ERLEC1: variants seen among roughly 807,000 people sequenced by gnomAD.
ERLEC1 encodes the protein ER lectin.
ERLEC1 carries 47 observed loss-of-function variants against 68.0 expected under a neutral mutation model. That is an observed-to-expected ratio of 0.69 (90% CI 0.55 to 0.88). The LOEUF (loss-of-function observed/expected upper bound fraction) is 0.88. ERLEC1 is among the 40% of genes least tolerant of loss of function. The pLI is 0.00. For synonymous variants in ERLEC1, 225 were observed against 203.2 expected (o/e 1.11, Z -0.91); for missense variants, 567 against 583.8 (o/e 0.97, Z 0.30).
At chr2:53,806,094 C>T (rs1390229715) in intron 8 of ERLEC1, among the ~76,000 whole-genome samples, 1 of 152,056 alleles carries the variant, frequency 6.6e-6, no homozygotes, top group African/African-American at 2.4e-5. Flanking sequence ...TCAGCCTTTC[C>T]CATACAGATA....
chr2:53,808,992 T>G (rs1676447568), intron 9 of ERLEC1, among the ~76,000 whole-genome samples: 1 of 152,198 alleles, frequency 6.6e-6, no homozygotes, highest in Non-Finnish European at 1.5e-5. Flanking sequence ...GGAAATACAG[T>G]TACTAGTGGA....
At position 53,801,609 on chromosome 2, in the gene ERLEC1, T is replaced by C; in HGVS notation, c.738T>C (p.His246=). The change falls in exon 7 of 14, where the codon CAT becomes CAC. Residue 246 remains histidine (H), a synonymous_variant. Transcript: ENST00000185150. ...TTTTGACACCACTCTTGTGCAGTCA[T>C]CCTAAATATAGGTAGGATGTGCATT... ...VVILTPLLCS[H]PKYRFRASPV... is the part of the protein sequence containing the mutation. The C allele has an allele frequency of 6.2e-7, 1 of 1,613,930 alleles. No homozygotes were observed. Among genetic ancestry groups the C allele is most frequent in the Non-Finnish European group, 8.5e-7 (1 of 1,179,854 alleles).
intron 13 of ERLEC1, among the ~76,000 whole-genome samples, chr2:53,817,228 G>A (rs1676947454): frequency 6.6e-6 from 1 of 151,874 alleles, no homozygotes; most frequent in Middle Eastern, 3.2e-3. Flanking sequence ...CCACCTCCCG[G>A]GTTCAAGTTA....
chr2:53,792,265 C>G (rs1675452639), intron 1 of ERLEC1, among the ~76,000 whole-genome samples: 1 of 149,064 alleles, frequency 6.7e-6, no homozygotes, highest in Non-Finnish European at 1.5e-5. Flanking sequence ...TCAAGCAGTT[C>G]TCCCGCCTCA....
intron 10 of ERLEC1, among the ~76,000 whole-genome samples, 174 bp from the exon 11 acceptor site, chr2:53,812,775 A>G (rs1352845713): frequency 6.6e-6 from 1 of 152,244 alleles, no homozygotes; most frequent in African/African-American, 2.4e-5. Context: ...CAAGGAATAA[A>G]GAAGATAATG....
At chr2:53,796,730 G>A (rs913742166) in intron 3 of ERLEC1, among the ~76,000 whole-genome samples, 1 of 152,032 alleles carries the variant, frequency 6.6e-6, no homozygotes, top group Non-Finnish European at 1.5e-5. Context: ...AATTACAGGC[G>A]TGAGCGACTG....
intron 1 of ERLEC1, among the ~76,000 whole-genome samples, chr2:53,793,240 A>G (rs963124015): frequency 6.6e-6 from 1 of 152,220 alleles, no homozygotes; most frequent in Non-Finnish European, 1.5e-5. Context: ...TTTTACTAAA[A>G]TAATATCTGT....
At chr2:53,794,490 A>G in intron 2 of ERLEC1, 41 bp downstream of exon 2, 1 of 912,272 alleles carries the variant, frequency 1.1e-6, no homozygotes, top group Non-Finnish European at 1.7e-6. Flanking sequence ...GTCACCAAAA[A>G]TATTTATGTA....
chr2:53,801,376 C>T (rs1558598073), intron 6 of ERLEC1, 21 bp from the exon 7 acceptor site: 2 of 1,596,614 alleles, frequency 1.3e-6, no homozygotes, highest in Non-Finnish European at 1.7e-6. Context: ...AAAAGTCTGT[C>T]TTATACTCTT....
At chr2:53,815,153 A>C (rs1184822608) in intron 13 of ERLEC1, among the ~76,000 whole-genome samples, 2 of 151,512 alleles carry the variant, frequency 1.3e-5, no homozygotes, top group Non-Finnish European at 2.9e-5. Flanking sequence ...TTACAGGCGC[A>C]CACCACCACA....
chr2:53,801,342 C>G (rs1257941760), intron 6 of ERLEC1, 55 bp from the exon 7 acceptor site: 1 of 1,337,020 alleles, frequency 7.5e-7, no homozygotes, highest in African/African-American at 1.4e-5. Context: ...TCTCCCACCC[C>G]CAGTCCCATC....
At chr2:53,801,253 G>A in intron 6 of ERLEC1, 144 bp from the exon 7 acceptor site, 1 of 568,916 alleles carries the variant, frequency 1.8e-6, no homozygotes, top group East Asian at 2.9e-5. Context: ...ATATTAGAGG[G>A]AGAACTTAAA....
At chr2:53,800,812 T>A (rs1248833540) in intron 6 of ERLEC1, among the ~76,000 whole-genome samples, 2 of 152,138 alleles carry the variant, frequency 1.3e-5, no homozygotes, top group East Asian at 3.8e-4. Context: ...TTGAGTATAT[T>A]TATATAGGAG....
intron 8 of ERLEC1, among the ~76,000 whole-genome samples, chr2:53,806,812 A>G (rs574995274): frequency 4.2e-4 from 64 of 152,344 alleles, no homozygotes; most frequent in African/African-American, 1.5e-3. Flanking sequence ...TCATTCATTC[A>G]TTTATAATCG....
At chr2:53,811,676 A>C (rs1028785356) in intron 10 of ERLEC1, among the ~76,000 whole-genome samples, 1 of 152,214 alleles carries the variant, frequency 6.6e-6, no homozygotes, top group African/African-American at 2.4e-5. Context: ...AATAGAAACA[A>C]AGGTTCAATA....
intron 11 of ERLEC1, 58 bp downstream of exon 11, chr2:53,813,131 A>G: frequency 1.3e-6 from 2 of 1,565,434 alleles, no homozygotes; most frequent in Non-Finnish European, 1.7e-6. Context: ...AAAACTCAAA[A>G]TATTGAAAAA....
chr2:53,807,291 GTTT>G, intron 8 of ERLEC1, among the ~76,000 whole-genome samples: 1 of 152,124 alleles, frequency 6.6e-6, no homozygotes, highest in Non-Finnish European at 1.5e-5. Flanking sequence ...TATTATTCTT[GTTT>G]CAAGAATTGA....
intron 11 of ERLEC1, among the ~76,000 whole-genome samples, chr2:53,813,712 CAG>C (rs1426911076): frequency 3.3e-5 from 5 of 152,030 alleles, no homozygotes; most frequent in African/African-American, 4.8e-5. Context: ...CTTCCTAAAA[CAG>C]ATGATTTGGA....
chr2:53,801,601 T>G lies in ERLEC1; in HGVS notation c.730T>G (p.Cys244Gly), dbSNP rs1676009593. ...YEVVILTPLL[C>G]SHPKYRFRAS... ...AGTTGTCATTTTGACACCACTCTTG[T>G]GCAGTCATCCTAAATATAGGTAGGA... The change falls in exon 7 of 14, where the codon TGC (cysteine) becomes GGC (glycine). Residue 244 changes from cysteine to glycine, a missense_variant. Physicochemically the swap from Cys to Gly is radical, Grantham distance 159 (BLOSUM62 -3). Coordinates refer to ENST00000185150, the MANE Select transcript of ERLEC1 (RefSeq NM_015701.5). 6.2e-7 allele frequency: 1 copy of G among 1,613,886 alleles called. No individual in the cohort carries two copies. The highest frequency in any genetic ancestry group is 1.7e-5 in the Admixed American group (1 of 59,990).
Sources: allele counts gnomAD v4.1 joint callset (sites outside exome capture counted in the v4.1 genomes callset), GRCh38; gene constraint gnomAD v4.1.1; transcripts MANE v1.5; gene names NCBI Gene and HGNC (gene_info 2026-07-23, HGNC 2026-07-21).